The following DCC variants were observed in gnomAD, a reference collection of about 807,000 sequenced individuals.
DCC encodes netrin receptor DCC.
Under a neutral mutation model 172.5 loss-of-function variants are expected in DCC, and 58 were observed. That is an observed-to-expected ratio of 0.34 (90% CI 0.27 to 0.42). The LOEUF is 0.42. Ranked by LOEUF, DCC falls within the 10% of genes least tolerant of loss-of-function variation. The pLI is 1.00. For missense variants in DCC, 1,740 were observed against 1,791.0 expected (o/e 0.97, Z 0.51); for synonymous variants, 709 against 644.5 (o/e 1.10, Z -1.52).
At chr18:52,445,167 A>G (rs965519508) in intron 1 of DCC, among the ~76,000 whole-genome samples, 1 of 152,314 alleles carries the variant, frequency 6.6e-6, no homozygotes, top group South Asian at 2.1e-4. Flanking sequence ...TACAATTCCT[A>G]AATAGTAATT....
At chr18:53,355,079 G>T (rs1317855714) in intron 15 of DCC, among the ~76,000 whole-genome samples, 1 of 151,968 alleles carries the variant, frequency 6.6e-6, no homozygotes, top group East Asian at 1.9e-4. Flanking sequence ...AAGATCAGAT[G>T]GTTGTAGATG....
chr18:53,511,645 TGGGAAGCGCAA>T (rs2046254557), intron 27 of DCC, among the ~76,000 whole-genome samples: 1 of 152,198 alleles, frequency 6.6e-6, no homozygotes, highest in Non-Finnish European at 1.5e-5. Flanking sequence ...TTGCGTCACT[TGGGAAGCGCAA>T]GGGGTCAGGG....
intron 1 of DCC, among the ~76,000 whole-genome samples, chr18:52,589,927 AT>A: frequency 6.6e-6 from 1 of 152,282 alleles, no homozygotes; most frequent in African/African-American, 2.4e-5. Flanking sequence ...TCACTGCTGA[AT>A]TTTTTGTTGA....
intron 1 of DCC, among the ~76,000 whole-genome samples, chr18:52,385,126 CA>C (rs1472075514): frequency 6.6e-6 from 1 of 152,042 alleles, no homozygotes; most frequent in African/African-American, 2.4e-5. Flanking sequence ...GGTTCACAAC[CA>C]TTGCTTAAAA....
At chr18:53,473,713 C>T (rs1217135710) in intron 25 of DCC, among the ~76,000 whole-genome samples, 1 of 152,160 alleles carries the variant, frequency 6.6e-6, no homozygotes, top group Non-Finnish European at 1.5e-5. Context: ...CTCTAGGCTA[C>T]CTGGGCAACT....
chr18:52,681,876 T>C (rs1034714829), intron 1 of DCC, among the ~76,000 whole-genome samples: 2 of 143,992 alleles, frequency 1.4e-5, no homozygotes, highest in Non-Finnish European at 3.1e-5. Context: ...TTTTACAGTT[T>C]CTAAATAGAG....
At position 52,960,253 on chromosome 18, in the gene DCC, T is replaced by C. The variant is rs1052155638; in HGVS notation, c.985+34883T>C. Among the ~76,000 whole-genome samples, 3 of 152,178 alleles carry C rather than the reference T, an allele frequency of 2.0e-5. No homozygotes were observed. In the East Asian group the frequency reaches 5.8e-4, roughly 29 times the overall value. ...TGACAGATTAAGGAGGGAAAACTTTTATCAAGTAAATATCCCTGAAGGATT... is the reference window on the plus strand; with the variant it reads ...TGACAGATTAAGGAGGGAAAACTTTCATCAAGTAAATATCCCTGAAGGATT... On this transcript the variant is annotated intron_variant, in intron 5 of 28. Coordinates refer to ENST00000442544, the MANE Select transcript of DCC (RefSeq NM_005215.4).
intron 2 of DCC, among the ~76,000 whole-genome samples, chr18:52,820,229 GC>G (rs377148557): frequency 9.7e-4 from 147 of 152,266 alleles, no homozygotes; most frequent in African/African-American, 3.5e-3. Context: ...GATTGAAGTT[GC>G]CAAGTTCCAG....
chr18:52,837,369 C>G (rs1301759799), intron 2 of DCC, among the ~76,000 whole-genome samples: 1 of 152,202 alleles, frequency 6.6e-6, no homozygotes, highest in African/African-American at 2.4e-5. Context: ...TGCAACTTTT[C>G]CAAACTTTTA....
chr18:53,184,002 T>TAA (rs201337705), intron 9 of DCC, among the ~76,000 whole-genome samples: 32 of 138,460 alleles, frequency 2.3e-4, no homozygotes, highest in African/African-American at 6.0e-4. Flanking sequence ...GCATCTCATT[T>TAA]AAAAAAAAAA....
intron 12 of DCC, among the ~76,000 whole-genome samples, chr18:53,281,526 G>A (rs2056871941): frequency 6.6e-6 from 1 of 152,262 alleles, no homozygotes; most frequent in Admixed American, 6.5e-5. Flanking sequence ...CAATTTTTAG[G>A]TACTGTTCAA....
intron 15 of DCC, among the ~76,000 whole-genome samples, chr18:53,347,319 ACTCAGAC>A (rs1245155819): frequency 1.3e-5 from 2 of 152,084 alleles, no homozygotes; most frequent in East Asian, 3.9e-4. Context: ...TTTGTAAAAT[ACTCAGAC>A]CTCATATAGT....
chr18:52,930,739 T>A (rs1404430153), intron 5 of DCC, among the ~76,000 whole-genome samples: 1 of 152,196 alleles, frequency 6.6e-6, no homozygotes, highest in Non-Finnish European at 1.5e-5. Context: ...GAAACATTTA[T>A]CCTTATTTTA....
chr18:53,408,587 A>C (rs900327307), intron 19 of DCC, among the ~76,000 whole-genome samples: 1 of 152,148 alleles, frequency 6.6e-6, no homozygotes, highest in Non-Finnish European at 1.5e-5. Context: ...TAGAAACAAG[A>C]CTTAGGGCCC....
intron 15 of DCC, among the ~76,000 whole-genome samples, chr18:53,373,278 A>G (rs16960571): frequency 0.21 from 31,680 of 152,004 alleles, 3,570 homozygotes; most frequent in Middle Eastern, 0.34. Flanking sequence ...CAAGAATTTT[A>G]CTATGAATAG....
At chr18:53,230,880 T>C (rs1047641504) in intron 12 of DCC, among the ~76,000 whole-genome samples, 24 of 152,066 alleles carry the variant, frequency 1.6e-4, no homozygotes. Flanking sequence ...GAAATATGTA[T>C]GTGAAGGAAG....
chr18:53,278,838 G>A (rs984843052), intron 12 of DCC, among the ~76,000 whole-genome samples: 2 of 152,114 alleles, frequency 1.3e-5, no homozygotes, highest in African/African-American at 2.4e-5. Flanking sequence ...AAGAGAAGGT[G>A]AGGCACAGAG....
At chr18:53,443,263 A>T (rs1912388386) in intron 22 of DCC, among the ~76,000 whole-genome samples, 1 of 152,322 alleles carries the variant, frequency 6.6e-6, no homozygotes, top group African/African-American at 2.4e-5. Flanking sequence ...TTTTAAGTTG[A>T]AACCAATGCT....
intron 5 of DCC, among the ~76,000 whole-genome samples, chr18:53,020,130 C>G (rs986217124): frequency 6.6e-6 from 1 of 152,046 alleles, no homozygotes; most frequent in East Asian, 1.9e-4. Flanking sequence ...AGATTGTAGA[C>G]CATGTATTGC....
Sources: gnomAD v4.1 joint callset for allele counts (sites outside exome capture counted in the v4.1 genomes callset) on GRCh38, gnomAD v4.1.1 for gene constraint, MANE v1.5 for transcripts, NCBI Gene and HGNC (gene_info 2026-07-23, HGNC 2026-07-21) for gene names.